NCS1: variants seen among roughly 807,000 people sequenced by gnomAD.
The protein encoded by NCS1 is neuronal calcium sensor 1, also known as frequenin homolog.
A neutral mutation model predicts 28.4 loss-of-function variants in NCS1; 6 were observed. That is an observed-to-expected ratio of 0.21 (90% CI 0.12 to 0.42). The LOEUF is 0.42. Ranked by LOEUF, NCS1 falls within the 10% of genes least tolerant of loss-of-function variation. NCS1 has a pLI of 1.00. For missense variants in NCS1, 131 were observed against 241.4 expected (o/e 0.54, Z 3.03); for synonymous variants, 86 against 99.3 (o/e 0.87, Z 0.79).
chr9:130,223,159 G>A lies in NCS1; in HGVS notation c.474G>A (p.Lys158=). The A allele has an allele frequency of 1.2e-6, 2 of 1,612,112 alleles. No homozygotes were observed. Among genetic ancestry groups the A allele is most frequent in the Non-Finnish European group, 1.7e-6 (2 of 1,178,330 alleles). The change falls in exon 6 of 8, where the codon AAG becomes AAA. Residue 158 remains lysine (K), a splice_region_variant and synonymous_variant. Transcript: ENST00000372398. ...RVDRIFAMMD[K]NADGKLTLQE... ...ACCGGATCTTTGCCATGATGGATAA[G>A]GTGAGGTGGGGGGGCGGGGCTGGTC...
At position 130,180,645 on chromosome 9, in the gene NCS1, C is replaced by G. The variant is rs903489266; in HGVS notation, c.64+7918C>G. On this transcript the variant is annotated intron_variant, in intron 1 of 7. Coordinates refer to ENST00000372398, the MANE Select transcript of NCS1 (RefSeq NM_014286.4). The surrounding 1 kb of genome is among the most constrained non-coding windows in gnomAD (Gnocchi z 4.5). Reference sequence around the variant, plus strand: ...TTCCTGGCTGGGCAATCCTGGCCAGCTCCTTACGTCTCTGAGCTCTGAGGT... The same window carrying G: ...TTCCTGGCTGGGCAATCCTGGCCAGGTCCTTACGTCTCTGAGCTCTGAGGT... Among the ~76,000 whole-genome samples, 37 of 152,112 alleles carry G rather than the reference C, an allele frequency of 2.4e-4. No individual in the cohort carries two copies. Among genetic ancestry groups the G allele is most frequent in the African/African-American group, 8.2e-4 (34 of 41,416 alleles).
At chr9:130,199,536 C>A (rs1431357763) in intron 1 of NCS1, among the ~76,000 whole-genome samples, 1 of 152,190 alleles carries the variant, frequency 6.6e-6, no homozygotes, top group Non-Finnish European at 1.5e-5. Flanking sequence ...TGGTTCTGAG[C>A]CACAGACCTA....
Position 130,219,667 on chromosome 9 carries a change from G to C in NCS1, c.229-58G>C. On this transcript the variant is annotated intron_variant, in intron 3 of 7. Coordinates refer to ENST00000372398, the MANE Select transcript of NCS1 (RefSeq NM_014286.4). This position sits in a 1 kb window ranked among gnomAD's most constrained non-coding sequence, Gnocchi z 5.7. ...TGCCCCTCGCCCGTCCCGAGGTTCA[G>C]CCTGACCCGGTGGCCTGGCCGGCAC... 1.3e-6 allele frequency: 2 copies of C among 1,562,952 alleles called. No individual in the cohort carries two copies. The highest frequency in any genetic ancestry group is 1.8e-6 in the Non-Finnish European group (2 of 1,133,960).
intron 2 of NCS1, among the ~76,000 whole-genome samples, chr9:130,203,134 ATATTT>A (rs1564708281): frequency 1.6e-5 from 1 of 64,362 alleles, no homozygotes; most frequent in Non-Finnish European, 3.6e-5. Context: ...ATATATATAT[ATATTT>A]TTTTTTTTTT....
chr9:130,203,050 GT>G (rs1832975853), intron 2 of NCS1, among the ~76,000 whole-genome samples: 1 of 39,718 alleles, frequency 2.5e-5, no homozygotes, highest in African/African-American at 5.7e-5. Context: ...GTAAATATGT[GT>G]GTGTGTGTGT....
At chr9:130,214,525 G>A (rs1833157306) in intron 2 of NCS1, among the ~76,000 whole-genome samples, 1 of 152,202 alleles carries the variant, frequency 6.6e-6, no homozygotes, top group South Asian at 2.1e-4. Context: ...AACTGACTGG[G>A]CAGGCTGATG....
Position 130,207,674 on chromosome 9 carries a change from C to T in NCS1, c.89+6692C>T, listed in dbSNP as rs568508152. ...TGGACTAGAACTCGGGCTCCAGTGC[C>T]GGTCAGGTCCCAAGTCCCCAGGAGA... On this transcript the variant is annotated intron_variant, in intron 2 of 7. Transcript: ENST00000372398. Among the ~76,000 whole-genome samples the T allele has an allele frequency of 1.5e-4, 23 of 152,350 alleles. No homozygotes were observed. In the South Asian group the frequency reaches 3.7e-3, roughly 25 times the overall value.
At chr9:130,203,044 ATATGTG>A (rs1408230605) in intron 2 of NCS1, among the ~76,000 whole-genome samples, 4 of 100,324 alleles carry the variant, frequency 4.0e-5, no homozygotes, top group Admixed American at 3.9e-4. Flanking sequence ...TCCAGGGTAA[ATATGTG>A]TGTGTGTGTG....
chr9:130,221,329 AT>A (rs1419873522), intron 4 of NCS1, among the ~76,000 whole-genome samples: 1 of 141,848 alleles, frequency 7.0e-6, no homozygotes, highest in Non-Finnish European at 1.5e-5. Context: ...TGGCCCTGTT[AT>A]TTTTAATATA....
chr9:130,208,551 G>T (rs1191425781), intron 2 of NCS1, among the ~76,000 whole-genome samples: 2 of 152,096 alleles, frequency 1.3e-5, no homozygotes, highest in Non-Finnish European at 2.9e-5. Context: ...CTGGGATTAT[G>T]GGCATGAGCC....
intron 2 of NCS1, among the ~76,000 whole-genome samples, chr9:130,212,990 T>C (rs1833132817): frequency 6.6e-6 from 1 of 152,110 alleles, no homozygotes; most frequent in African/African-American, 2.4e-5. Flanking sequence ...CCCCATCCCG[T>C]CTCTCTGCTC....
Position 130,232,578 on chromosome 9 carries a change from C to T in NCS1, c.*18-412C>T, listed in dbSNP as rs797036288. 2.0e-5 allele frequency among the ~76,000 whole-genome samples: 3 copies of T among 151,962 alleles called. No homozygotes were observed. Among genetic ancestry groups the T allele is most frequent in the South Asian group, 4.1e-4 (2 of 4,820 alleles). On this transcript the variant is annotated intron_variant, in intron 7 of 7. Transcript: ENST00000372398. The surrounding 1 kb of genome is among the most constrained non-coding windows in gnomAD (Gnocchi z 4.4). ...CGGGTCTATCATGAGGTCAGGAGTT[C>T]GAGACCAGCCTGGCCAAGATGGTGA... is the stretch of plus-strand genomic sequence containing the variant.
rs183365707 is a variant in NCS1 at position 130,188,205 on chromosome 9, A to C, written c.65-12753A>C. Among the ~76,000 whole-genome samples, 470 of 152,286 alleles carry C rather than the reference A, an allele frequency of 3.1e-3. 1 individual carries two copies. The highest frequency in any genetic ancestry group is 6.8e-3 in the Middle Eastern group (2 of 294). On this transcript the variant is annotated intron_variant, in intron 1 of 7. Transcript: ENST00000372398. ...GGACCACACCACGCTGCCTCTGGATAAGGTTTTGTTCTAGTGTGATGTGGC... is the reference window on the plus strand; with the variant it reads ...GGACCACACCACGCTGCCTCTGGATCAGGTTTTGTTCTAGTGTGATGTGGC...
rs561438566 is a variant in NCS1 at position 130,180,583 on chromosome 9, C to T, written c.64+7856C>T. Among the ~76,000 whole-genome samples the T allele has an allele frequency of 6.6e-6, 1 of 152,228 alleles. No homozygotes were observed. The highest frequency in any genetic ancestry group is 1.9e-4 in the East Asian group (1 of 5,174). ...GGTCATATTCTGACCAAGGGCAGAA[C>T]GGCAGGTGCTGAGGACTTGAAGGTC... On this transcript the variant is annotated intron_variant, in intron 1 of 7. Coordinates refer to ENST00000372398, the MANE Select transcript of NCS1 (RefSeq NM_014286.4). This position sits in a 1 kb window ranked among gnomAD's most constrained non-coding sequence, Gnocchi z 4.5.
chr9:130,219,109 C>T lies in NCS1; in HGVS notation c.229-616C>T, dbSNP rs1038872157. Reference sequence around the variant, plus strand: ...GCACGGATAGCTGTTGGGTTATCTGCGATGACCCTGATTCTGTCCTGCAGT... The same window carrying T: ...GCACGGATAGCTGTTGGGTTATCTGTGATGACCCTGATTCTGTCCTGCAGT... On this transcript the variant is annotated intron_variant, in intron 3 of 7. Transcript: ENST00000372398. The surrounding 1 kb of genome is among the most constrained non-coding windows in gnomAD (Gnocchi z 5.7). Among the ~76,000 whole-genome samples, 1 of 152,098 alleles carries T rather than the reference C, an allele frequency of 6.6e-6. No homozygotes were observed. The highest frequency in any genetic ancestry group is 1.5e-5 in the Non-Finnish European group (1 of 68,016).
intron 4 of NCS1, among the ~76,000 whole-genome samples, chr9:130,220,156 G>A (rs1413973530): frequency 3.9e-5 from 6 of 152,218 alleles, no homozygotes; most frequent in African/African-American, 1.4e-4. Context: ...ACTCGGGCAG[G>A]TGCAGACTTG....
At chr9:130,179,865 G>A (rs986115901) in intron 1 of NCS1, among the ~76,000 whole-genome samples, 2 of 152,184 alleles carry the variant, frequency 1.3e-5, no homozygotes, top group African/African-American at 4.8e-5. Context: ...GCGCCAGAAA[G>A]GTGAAGCATC....
At chr9:130,217,448 G>A (rs370657615) in intron 2 of NCS1, among the ~76,000 whole-genome samples, 6 of 152,258 alleles carry the variant, frequency 3.9e-5, no homozygotes, top group African/African-American at 1.4e-4. Flanking sequence ...CAGAGAAGGT[G>A]GGGAGGTGGG....
rs1028348613 is a variant in NCS1 at position 130,215,527 on chromosome 9, C to G, written c.90-2305C>G. 2.6e-5 allele frequency among the ~76,000 whole-genome samples: 4 copies of G among 152,154 alleles called. No homozygotes were observed. The South Asian group carries it at 6.2e-4, about 24-fold the overall frequency. On this transcript the variant is annotated intron_variant, in intron 2 of 7. Coordinates refer to ENST00000372398, the MANE Select transcript of NCS1 (RefSeq NM_014286.4). The surrounding 1 kb of genome is among the most constrained non-coding windows in gnomAD (Gnocchi z 4.2). ...GCACGGGAGGGACGGATGCTGGGGT[C>G]GCACACTGGCCGGCAGGGCAGAGGA...
Sources: allele counts gnomAD v4.1 joint callset (sites outside exome capture counted in the v4.1 genomes callset), GRCh38; gene constraint gnomAD v4.1.1; non-coding constraint Gnocchi (gnomAD v3.1); transcripts MANE v1.5; gene names NCBI Gene and HGNC (gene_info 2026-07-23, HGNC 2026-07-21).